Variants in TBPL2 observed in about 807,000 individuals in gnomAD.
TBPL2 encodes the protein TATA-box binding protein like 2, also known as TATA box-binding protein-like 2.
Under a neutral mutation model 38.2 loss-of-function variants are expected in TBPL2, and 40 were observed. The ratio of observed to expected loss-of-function variants is 1.05; its 90% CI spans 0.81 to 1.36. The LOEUF is 1.36. TBPL2 is among the 40% of genes most tolerant of loss of function. TBPL2 has a pLI of 0.00. For synonymous variants in TBPL2, 169 were observed against 171.7 expected, an observed-to-expected ratio of 0.98 and a Z score of 0.12; for missense variants, 461 against 456.7, an observed-to-expected ratio of 1.01 and a Z score of -0.09.
At chr14:55,420,695 T>C (rs913923423) in intron 6 of TBPL2, among the ~76,000 whole-genome samples, 13 of 151,844 alleles carry the variant, frequency 8.6e-5, no homozygotes, top group Non-Finnish European at 1.2e-4. Flanking sequence ...CTGTATAGTC[T>C]TCAGTATTTA....
chr14:55,427,838 C>CAT (rs1260260577), intron 5 of TBPL2, among the ~76,000 whole-genome samples: 1 of 150,918 alleles, frequency 6.6e-6, no homozygotes, highest in African/African-American at 2.4e-5. Context: ...TATATACACA[C>CAT]ACACACACAC....
At chr14:55,427,838 C>A (rs954343515) in intron 5 of TBPL2, among the ~76,000 whole-genome samples, 23 of 150,970 alleles carry the variant, frequency 1.5e-4, no homozygotes, top group African/African-American at 5.1e-4. Context: ...TATATACACA[C>A]ACACACACAC....
At chr14:55,432,030 G>C (rs1455011336) in intron 4 of TBPL2, among the ~76,000 whole-genome samples, 1 of 152,110 alleles carries the variant, frequency 6.6e-6, no homozygotes, top group Non-Finnish European at 1.5e-5. Flanking sequence ...GTGCACAAAT[G>C]CCTTAAGGGC....
intron 4 of TBPL2, among the ~76,000 whole-genome samples, chr14:55,432,641 A>T (rs74976892): frequency 0.065 from 9,885 of 152,318 alleles, 370 homozygotes; most frequent in Non-Finnish European, 0.085. Flanking sequence ...AAAACAATGT[A>T]ACTTTTTGTC....
At chr14:55,429,105 G>A in intron 4 of TBPL2, 131 bp from the exon 5 acceptor site, 2 of 1,125,356 alleles carry the variant, frequency 1.8e-6, no homozygotes, top group Non-Finnish European at 2.5e-6. Flanking sequence ...TAGGCTTTGT[G>A]AGGAGGACTT....
At chr14:55,434,648 C>G (rs371259180) in intron 3 of TBPL2, among the ~76,000 whole-genome samples, 1 of 152,278 alleles carries the variant, frequency 6.6e-6, no homozygotes, top group South Asian at 2.1e-4. Context: ...ATCACAGCTG[C>G]AGCTGTGAGG....
At chr14:55,433,830 T>A in intron 3 of TBPL2, 109 bp from the exon 4 acceptor site, 1 of 914,670 alleles carries the variant, frequency 1.1e-6, no homozygotes, top group Non-Finnish European at 1.6e-6. Context: ...ATGGGAAAAC[T>A]AAATGTCTGG....
intron 1 of TBPL2, among the ~76,000 whole-genome samples, chr14:55,439,617 C>CCCGCCCCCCCG (rs1886074724): frequency 1.4e-5 from 1 of 72,628 alleles, no homozygotes; most frequent in Non-Finnish European, 3.0e-5. Flanking sequence ...AAAGCAAACC[C>CCCGCCCCCCCG]CCCCCCGTCT....
At chr14:55,429,352 A>C (rs1254375913) in intron 4 of TBPL2, among the ~76,000 whole-genome samples, 3 of 152,236 alleles carry the variant, frequency 2.0e-5, no homozygotes, top group African/African-American at 7.2e-5. Flanking sequence ...CACCTCAGAC[A>C]TGCAGAAACT....
chr14:55,427,880 C>CTTTT (rs551473740), intron 5 of TBPL2, among the ~76,000 whole-genome samples: 5 of 130,892 alleles, frequency 3.8e-5, no homozygotes, highest in African/African-American at 1.1e-4. Context: ...GTTAGGATTG[C>CTTTT]TTTTTTTTTT....
chr14:55,439,812 TC>T (rs1275432653), intron 1 of TBPL2, among the ~76,000 whole-genome samples: 1 of 150,830 alleles, frequency 6.6e-6, no homozygotes, highest in Non-Finnish European at 1.5e-5. Context: ...GCTCCTGTAG[TC>T]CCAGCTACTC....
chr14:55,421,526 C>T (rs1212028810), intron 6 of TBPL2, among the ~76,000 whole-genome samples: 2 of 152,140 alleles, frequency 1.3e-5, no homozygotes, highest in Non-Finnish European at 2.9e-5. Flanking sequence ...TGCAGTGGCG[C>T]GAACTTGGCT....
rs1330380823 is a variant in TBPL2, at chr14:55,438,990, TG to T, written c.150+1405del. On this transcript the variant is annotated intron_variant, in intron 1 of 6. Coordinates refer to ENST00000247219, the Ensembl canonical transcript of TBPL2. ...TCTCACTCTGTCGCCCAGGCTGGAG[TG>T]CAGTGGCACCATCTCGGCTCACTGC... The T allele has an allele frequency of 2.8e-5, 4 of 144,542 alleles. No homozygotes were observed. The East Asian group carries it at 8.3e-4, about 30-fold the overall frequency. The allele number at this position is 144,542 out of a possible 1,614,324, so 9.0% of individuals were successfully genotyped here.
At chr14:55,417,096 T>G (rs1041861691) in intron 6 of TBPL2, among the ~76,000 whole-genome samples, 2 of 152,180 alleles carry the variant, frequency 1.3e-5, no homozygotes, top group African/African-American at 2.4e-5. Context: ...CATTATATCA[T>G]AGAGAAACGA....
intron 3 of TBPL2, among the ~76,000 whole-genome samples, chr14:55,435,008 C>T (rs773957033): frequency 9.9e-5 from 15 of 152,026 alleles, no homozygotes; most frequent in South Asian, 2.1e-4. Flanking sequence ...GTAAACAAGC[C>T]ATTGAAAACA....
chr14:55,435,792 G>T, intron 3 of TBPL2, 55 bp downstream of exon 3: 1 of 1,275,526 alleles, frequency 7.8e-7, no homozygotes, highest in Non-Finnish European at 1.1e-6. Flanking sequence ...ATCATATTAA[G>T]AAAAGTAAAT....
chr14:55,425,642 A>G (rs1003040220), intron 5 of TBPL2, among the ~76,000 whole-genome samples: 2 of 152,154 alleles, frequency 1.3e-5, no homozygotes, highest in East Asian at 1.9e-4. Flanking sequence ...ACACCTGCCA[A>G]TTTCTTGGCC....
chr14:55,434,781 T>C (rs1885987484), intron 3 of TBPL2, among the ~76,000 whole-genome samples: 2 of 152,192 alleles, frequency 1.3e-5, no homozygotes, highest in African/African-American at 4.8e-5. Context: ...GCAACAATAC[T>C]AGGGCAACAG....
At chr14:55,416,405 A>G (rs1885670252) in intron 6 of TBPL2, among the ~76,000 whole-genome samples, 1 of 152,200 alleles carries the variant, frequency 6.6e-6, no homozygotes, top group Non-Finnish European at 1.5e-5. Context: ...CAGCCCGGGT[A>G]ACATAGGGAC....
Sources: gnomAD v4.1 joint callset for allele counts (sites outside exome capture counted in the v4.1 genomes callset) on GRCh38, gnomAD v4.1.1 for gene constraint, MANE v1.5 for transcripts, NCBI Gene and HGNC (gene_info 2026-07-23, HGNC 2026-07-21) for gene names.